Variants in EPS8L2 observed in about 807,000 individuals in gnomAD.
EPS8L2 encodes the protein EPS8 signaling adaptor L2, also known as epidermal growth factor receptor kinase substrate 8-like protein 2.
EPS8L2 carries 81 observed loss-of-function variants against 99.4 expected under a neutral mutation model. The observed-to-expected ratio is 0.82, with a 90% confidence interval of 0.68 to 0.98. The LOEUF is 0.98. EPS8L2 is among the 50% of genes least tolerant of loss of function. The pLI, the probability that EPS8L2 is intolerant of heterozygous loss-of-function variation, is 0.00. For synonymous variants in EPS8L2, 509 were observed against 407.3 expected (o/e 1.25, Z -3.01); for missense variants, 1,155 against 968.8 (o/e 1.19, Z -2.55).
In EPS8L2 at chr11:720,096, C is replaced by A; in HGVS notation, c.200C>A (p.Ala67Asp). The A allele has an allele frequency of 6.2e-7, 1 of 1,613,274 alleles. No individual in the cohort carries two copies. The highest frequency in any genetic ancestry group is 8.5e-7 in the Non-Finnish European group (1 of 1,179,888). The change falls in exon 5 of 21, where the codon GCC (alanine) becomes GAC (aspartate). Residue 67 changes from alanine to aspartate, a missense_variant. Physicochemically the swap from Ala to Asp is moderately radical, Grantham distance 126. Transcript: ENST00000318562. ...ACATTCATCATGGACAAGAGCGAAG[C>A]CATCACGTCTGTGGACGACGCCATC... ...LATFIMDKSEAITSVDDAIRK... is the reference protein window; with the variant it reads ...LATFIMDKSEDITSVDDAIRK...
intron 4 of EPS8L2, among the ~76,000 whole-genome samples, chr11:712,283 C>T (rs1178060889): frequency 6.6e-6 from 1 of 151,634 alleles, no homozygotes; most frequent in East Asian, 1.9e-4. Flanking sequence ...GAGACTCCAT[C>T]TCAAAAGGAA....
chr11:714,655 ATTTAT>A (rs1407661934), intron 4 of EPS8L2, among the ~76,000 whole-genome samples: 4 of 128,222 alleles, frequency 3.1e-5, no homozygotes, highest in Non-Finnish European at 6.3e-5. Flanking sequence ...TTTATTTTAT[ATTTAT>A]TTTATTTTAT....
In EPS8L2 at chr11:727,208, G is replaced by T. The variant is rs943663085; in HGVS notation, c.*227G>T. ...TCTCAGCCAAACCTGCTGCTTGGTG[G>T]TGCCAGCCCCTTGTCCACCTTCTCT... On this transcript the variant is annotated 3_prime_UTR_variant, in exon 21 of 21. Coordinates refer to ENST00000318562, the MANE Select transcript of EPS8L2 (RefSeq NM_022772.4). 6 of 474,242 alleles carry T rather than the reference G, an allele frequency of 1.3e-5. No homozygotes were observed. The highest frequency in any genetic ancestry group is 1.0e-4 in the African/African-American group (5 of 49,886). 29.4% of individuals were successfully genotyped at this position (474,242 alleles called of 1,614,324 possible). A position where few individuals can be genotyped will look rare whatever the true frequency, so the allele number is the denominator to read the frequency against.
chr11:715,208 C>T (rs58070301), intron 4 of EPS8L2, among the ~76,000 whole-genome samples: 1 of 151,404 alleles, frequency 6.6e-6, no homozygotes, highest in African/African-American at 2.4e-5. Context: ...CGCCACTGCA[C>T]TCCAGCCTGG....
rs573093392 is a variant in EPS8L2, at chr11:708,264, T to C, written c.-78-1066T>C. Among the ~76,000 whole-genome samples the C allele has an allele frequency of 8.9e-4, 136 of 152,304 alleles. 1 individual carries two copies. The highest frequency in any genetic ancestry group is 3.2e-3 in the African/African-American group (132 of 41,566). On this transcript the variant is annotated intron_variant, in intron 1 of 20. Transcript: ENST00000318562. ...AGAACAGCCAGGTCCCCACAGGGCA[T>C]AGTCCCCTTGGGACAAGTCAGCCTG... is the stretch of plus-strand genomic sequence containing the variant.
chr11:715,183 A>T (rs1352736818), intron 4 of EPS8L2, among the ~76,000 whole-genome samples: 2 of 151,942 alleles, frequency 1.3e-5, no homozygotes, highest in Non-Finnish European at 2.9e-5. Flanking sequence ...CGGAGCTTGC[A>T]GTAAGCTGAG....
Position 709,416 on chromosome 11 carries a change from G to A in EPS8L2, c.9G>A (p.Gln3=). The change falls in exon 2 of 21, where the codon CAG becomes CAA. Residue 3 remains glutamine (Q), a synonymous_variant. Transcript: ENST00000318562. ...CCGCCACCCAAGACACCATGAGCCA[G>A]TCCGGGGCCGTGAGCTGCTGCCCGG... MS[Q]SGAVSCCPGA... The A allele has an allele frequency of 1.3e-6, 2 of 1,589,708 alleles. No individual in the cohort carries two copies. The highest frequency in any genetic ancestry group is 1.7e-6 in the Non-Finnish European group (2 of 1,169,652).
At position 726,334 on chromosome 11, in the gene EPS8L2, A is replaced by G; in HGVS notation, c.1784A>G (p.Asp595Gly). 6.2e-7 allele frequency: 1 copy of G among 1,610,524 alleles called. No homozygotes were observed. Among genetic ancestry groups the G allele is most frequent in the Non-Finnish European group, 8.5e-7 (1 of 1,179,130 alleles). ...ELMQHMDEVN[D>G]ELIRKISNIR... ...ATGCAGCACATGGACGAGGTCAACG[A>G]CGAGCTCATCCGGAAAATCAGCAAC... is the stretch of plus-strand genomic sequence containing the variant. The change falls in exon 19 of 21, where the codon GAC becomes GGC. Residue 595 changes from aspartate to glycine, a missense_variant. By Grantham distance (94) the Asp-to-Gly change is moderately conservative (BLOSUM62 -1). Transcript: ENST00000318562.
At position 724,542 on chromosome 11, in the gene EPS8L2, C is replaced by G; in HGVS notation, c.1455-182C>G. On this transcript the variant is annotated intron_variant, in intron 15 of 20. Coordinates refer to ENST00000318562, the MANE Select transcript of EPS8L2 (RefSeq NM_022772.4). The surrounding 1 kb of genome is among the most constrained non-coding windows in gnomAD (Gnocchi z 5.5). The stretch of plus-strand genomic sequence containing the variant: ...CGCCTCCACGCAGGGCCCCAAAGCT[C>G]TGGGGCTGTCACAGTTTCCATTCCG... 3.3e-6 allele frequency: 2 copies of G among 605,726 alleles called. No individual in the cohort carries two copies. Among genetic ancestry groups the G allele is most frequent in the East Asian group, 2.8e-5 (1 of 35,958 alleles). 37.5% of individuals were successfully genotyped at this position (605,726 alleles called of 1,614,324 possible).
At chr11:708,504 G>A (rs1861792188) in intron 1 of EPS8L2, 1 of 152,264 alleles carries the variant, frequency 6.6e-6, no homozygotes, top group African/African-American at 2.4e-5. Flanking sequence ...TCGTTGGAGG[G>A]GCAGTGATAC....
In EPS8L2 at chr11:725,733, G is replaced by A. The variant is rs1375166342; in HGVS notation, c.1566G>A (p.Leu522=). 11 of 1,327,020 alleles carry A rather than the reference G, an allele frequency of 8.3e-6. No individual in the cohort carries two copies. Among genetic ancestry groups the A allele is most frequent in the Non-Finnish European group, 1.1e-5 (11 of 1,040,278 alleles). The allele number at this position is 1,327,020 out of a possible 1,614,324, so 82.2% of individuals were successfully genotyped here. The change falls in exon 17 of 21, where the codon CTG becomes CTA. Residue 522 remains leucine (L), a synonymous_variant. Coordinates refer to ENST00000318562, the MANE Select transcript of EPS8L2 (RefSeq NM_022772.4). ...SVLKDEVLEV[L]EDGRQWWKLR... ...GCTGACGGCGCGCCCCGCAGGTGCT[G>A]GAGGACGGCCGGCAGTGGTGGAAGC...
At chr11:710,649 A>T (rs545969515) in intron 4 of EPS8L2, among the ~76,000 whole-genome samples, 163 bp downstream of exon 4, 3 of 152,322 alleles carry the variant, frequency 2.0e-5, no homozygotes, top group Non-Finnish European at 4.4e-5. Context: ...GGGTCACTTG[A>T]GCCCGGGAGG....
chr11:726,244 T>TGGGCCG, intron 18 of EPS8L2, 60 bp from the exon 19 acceptor site: 1 of 1,559,566 alleles, frequency 6.4e-7, no homozygotes, highest in Non-Finnish European at 8.7e-7. Flanking sequence ...GGGGGGTCCC[T>TGGGCCG]GGGCCGGGGG....
chr11:724,621 G>A lies in EPS8L2; in HGVS notation c.1455-103G>A. The A allele has an allele frequency of 1.3e-6, 1 of 771,488 alleles. No individual in the cohort carries two copies. The highest frequency in any genetic ancestry group is 2.3e-6 in the Non-Finnish European group (1 of 440,784). 47.8% of individuals were successfully genotyped at this position (771,488 alleles called of 1,614,324 possible). A position where few individuals can be genotyped will look rare whatever the true frequency, so the allele number is the denominator to read the frequency against. On this transcript the variant is annotated intron_variant, in intron 15 of 20. Coordinates refer to ENST00000318562, the MANE Select transcript of EPS8L2 (RefSeq NM_022772.4). The surrounding 1 kb of genome is among the most constrained non-coding windows in gnomAD (Gnocchi z 5.5). ...CGGTGACCTCCAGAACAGAAAAGAGGCAGCCAGTCGTGCACCTGGGAAGCT... is the reference window on the plus strand; with the variant it reads ...CGGTGACCTCCAGAACAGAAAAGAGACAGCCAGTCGTGCACCTGGGAAGCT...
In EPS8L2 at chr11:721,238, G is replaced by C. The variant is rs1278941535; in HGVS notation, c.700+32G>C. ...CGAGGGGCTGGAGGGGGCTCCACAGGGCTCGTTGTGGGGGGCTCGGTGAGC... is the reference window on the plus strand; with the variant it reads ...CGAGGGGCTGGAGGGGGCTCCACAGCGCTCGTTGTGGGGGGCTCGGTGAGC... On this transcript the variant is annotated intron_variant, in intron 8 of 20. Coordinates refer to ENST00000318562, the MANE Select transcript of EPS8L2 (RefSeq NM_022772.4). 1.6e-5 allele frequency: 24 copies of C among 1,537,572 alleles called. No homozygotes were observed. In the East Asian group the frequency reaches 5.6e-4, roughly 36 times the overall value.
chr11:715,159 G>C (rs555586443), intron 4 of EPS8L2, among the ~76,000 whole-genome samples: 9 of 152,044 alleles, frequency 5.9e-5, no homozygotes, highest in African/African-American at 2.2e-4. Flanking sequence ...GGAGAATGGC[G>C]TGAACCCCGG....
chr11:711,962 A>ACCTGGGTG (rs1861902193), intron 4 of EPS8L2, among the ~76,000 whole-genome samples: 1 of 149,624 alleles, frequency 6.7e-6, no homozygotes, highest in Non-Finnish European at 1.5e-5. Context: ...CAGCATGGGC[A>ACCTGGGTG]ACAGAGCGAG....
At chr11:726,590 G>C in intron 19 of EPS8L2, 29 bp from the exon 20 acceptor site, 2 of 1,534,836 alleles carry the variant, frequency 1.3e-6, no homozygotes, top group Non-Finnish European at 1.8e-6. Flanking sequence ...CTCACAGCGC[G>C]GCCCTGACGC....
chr11:721,520 G>A (rs1451504662), intron 9 of EPS8L2, 45 bp from the exon 10 acceptor site: 12 of 1,522,712 alleles, frequency 7.9e-6, no homozygotes, highest in East Asian at 2.3e-5. Context: ...AAGGCGGGGC[G>A]GTGGGGAGTG....
Sources: allele counts gnomAD v4.1 joint callset (sites outside exome capture counted in the v4.1 genomes callset), GRCh38; gene constraint gnomAD v4.1.1; non-coding constraint Gnocchi (gnomAD v3.1); transcripts MANE v1.5; gene names NCBI Gene and HGNC (gene_info 2026-07-23, HGNC 2026-07-21).